Variants in DLC1 observed in about 807,000 individuals in gnomAD.
The protein encoded by DLC1 is DLC1 Rho GTPase activating protein.
DLC1 carries 54 observed loss-of-function variants against 140.3 expected under a neutral mutation model. That is an observed-to-expected ratio of 0.38 (90% CI 0.31 to 0.48). The LOEUF (loss-of-function observed/expected upper bound fraction) is 0.48. Ranked by LOEUF, DLC1 falls within the 20% of genes least tolerant of loss-of-function variation. The probability of loss-of-function intolerance (pLI) is 0.96; values close to 1 mark genes in which losing one functional copy is unlikely to be tolerated. For missense variants in DLC1, 2,536 were observed against 1,907.0 expected (o/e 1.33, Z -6.14); for synonymous variants, 986 against 728.1 (o/e 1.35, Z -5.70).
At chr8:13,340,844 A>G (rs575907034) in intron 4 of DLC1, 3 of 152,254 alleles carry the variant, frequency 2.0e-5, no homozygotes, top group Non-Finnish European at 4.4e-5. Flanking sequence ...AAGAACTTAA[A>G]AATCTAACAG....
intron 5 of DLC1, among the ~76,000 whole-genome samples, chr8:13,259,026 A>G (rs1830373130): frequency 6.6e-6 from 1 of 150,922 alleles, no homozygotes; most frequent in Non-Finnish European, 1.5e-5. Context: ...ACTCCCAGCT[A>G]CTCTGGAGGC....
intron 4 of DLC1, among the ~76,000 whole-genome samples, chr8:13,345,223 G>A (rs897301793): frequency 6.6e-6 from 1 of 152,052 alleles, no homozygotes; most frequent in African/African-American, 2.4e-5. Flanking sequence ...TTAGGGATGG[G>A]ACTTGTAAAA....
At chr8:13,296,720 T>C (rs936503163) in intron 5 of DLC1, among the ~76,000 whole-genome samples, 1 of 151,732 alleles carries the variant, frequency 6.6e-6, no homozygotes, top group Non-Finnish European at 1.5e-5. Context: ...GGTTTCTGCT[T>C]TCAAGGAGCT....
At chr8:13,541,066 A>G (rs1234257584) in intron 1 of DLC1, among the ~76,000 whole-genome samples, 1 of 152,238 alleles carries the variant, frequency 6.6e-6, no homozygotes, top group Admixed American at 6.5e-5. Flanking sequence ...TACATACAAG[A>G]AAATTAACCA....
In DLC1 at chr8:13,356,089, CAAAAAAA is replaced by C. The variant is rs372991073; in HGVS notation, c.1314+37457_1314+37463del. Reference sequence around the variant, plus strand: ...TGAGTGACAGAGCAAGACTCCATCTCAAAAAAAAAAAAAAAAAAAAAAAAATCTTATT... The same window carrying C: ...TGAGTGACAGAGCAAGACTCCATCTCAAAAAAAAAAAAAAAAAATCTTATT... On this transcript the variant is annotated intron_variant, in intron 4 of 17. Coordinates refer to ENST00000276297, the MANE Select transcript of DLC1 (RefSeq NM_182643.3). 5.6e-5 allele frequency among the ~76,000 whole-genome samples: 3 copies of C among 53,356 alleles called. 1 individual carries two copies. The highest frequency in any genetic ancestry group is 9.5e-5 in the Non-Finnish European group (3 of 31,732). 35.0% of individuals were successfully genotyped at this position (53,356 alleles called of 152,430 possible).
rs545641225 is a variant in DLC1, at chr8:13,295,154, T to G, written c.1348+10115A>C. ...AAGAGAAAGGGGGAATTTTAAAAAG[T>G]GATGAACTGTGCTGTTATTTTCCCC... is the stretch of plus-strand genomic sequence containing the variant. On this transcript the variant is annotated intron_variant, in intron 5 of 17. Transcript: ENST00000276297. 5.9e-5 allele frequency among the ~76,000 whole-genome samples: 9 copies of G among 152,280 alleles called. No individual in the cohort carries two copies. In the South Asian group the frequency reaches 1.7e-3, roughly 28 times the overall value.
chr8:13,358,788 T>C (rs1835067416), intron 4 of DLC1, among the ~76,000 whole-genome samples: 1 of 152,084 alleles, frequency 6.6e-6, no homozygotes, highest in South Asian at 2.1e-4. Flanking sequence ...AGATGGCCAT[T>C]TTCTTTACTT....
chr8:13,185,122 C>CTTTTTTTTTTTTTTTTTTTTTTTT (rs1193667992), intron 5 of DLC1, among the ~76,000 whole-genome samples: 1 of 84,568 alleles, frequency 1.2e-5, no homozygotes, highest in African/African-American at 5.2e-5. Flanking sequence ...GCAACCCCTG[C>CTTTTTTTTTTTTTTTTTTTTTTTT]TTTTTTTTTT....
chr8:13,101,405 A>C (rs1335293381), intron 8 of DLC1, among the ~76,000 whole-genome samples: 1 of 152,238 alleles, frequency 6.6e-6, no homozygotes, highest in African/African-American at 2.4e-5. Flanking sequence ...AACTGAAGTC[A>C]GCAATGAGCA....
chr8:13,341,280 G>C (rs571792889), intron 4 of DLC1: 3 of 152,306 alleles, frequency 2.0e-5, no homozygotes, highest in African/African-American at 7.2e-5. Flanking sequence ...ACTGGGAATT[G>C]TCTAGTCTAG....
At chr8:13,355,075 T>C (rs4831408) in intron 4 of DLC1, among the ~76,000 whole-genome samples, 14,157 of 151,922 alleles carry the variant, frequency 0.093, 1,346 homozygotes, top group East Asian at 0.47. Context: ...GCACTATCAA[T>C]TAAAAAATAC....
intron 5 of DLC1, among the ~76,000 whole-genome samples, chr8:13,174,662 T>G (rs1294018834): frequency 6.6e-6 from 1 of 152,200 alleles, no homozygotes; most frequent in East Asian, 1.9e-4. Context: ...TTGTATGTCT[T>G]CCTTTAAGAA....
chr8:13,456,231 T>G (rs1401433541), intron 2 of DLC1, among the ~76,000 whole-genome samples: 2 of 152,212 alleles, frequency 1.3e-5, no homozygotes, highest in Non-Finnish European at 2.9e-5. Flanking sequence ...GAATGTTGCA[T>G]TGCTGTATGA....
chr8:13,329,749 C>T (rs571125049), intron 4 of DLC1, among the ~76,000 whole-genome samples: 2 of 152,122 alleles, frequency 1.3e-5, no homozygotes, highest in Non-Finnish European at 2.9e-5. Flanking sequence ...CCCTGTTTCT[C>T]CAGCAAAACT....
chr8:13,494,495 G>A (rs1326831919), intron 2 of DLC1, among the ~76,000 whole-genome samples: 2 of 152,142 alleles, frequency 1.3e-5, no homozygotes, highest in Non-Finnish European at 2.9e-5. Context: ...AGGAGGACTC[G>A]AGAGCAGAGA....
At chr8:13,305,385 A>T in intron 4 of DLC1, 83 bp from the exon 5 acceptor site, 1 of 1,399,300 alleles carries the variant, frequency 7.1e-7, no homozygotes, top group South Asian at 1.5e-5. Context: ...AAGTGTAATT[A>T]ATGACGCAAA....
chr8:13,489,831 A>G (rs1585194825), intron 2 of DLC1, among the ~76,000 whole-genome samples: 1 of 152,228 alleles, frequency 6.6e-6, no homozygotes, highest in South Asian at 2.1e-4. Context: ...TTCTACTAGA[A>G]TTTGCATTAT....
At chr8:13,169,601 C>G (rs1389505482) in intron 5 of DLC1, among the ~76,000 whole-genome samples, 1 of 152,092 alleles carries the variant, frequency 6.6e-6, no homozygotes, top group East Asian at 1.9e-4. Context: ...TGGTTTTGGC[C>G]AAGTCTTAAT....
At chr8:13,176,577 TCAAA>T (rs1212209051) in intron 5 of DLC1, among the ~76,000 whole-genome samples, 3 of 152,134 alleles carry the variant, frequency 2.0e-5, no homozygotes, top group East Asian at 1.9e-4. Context: ...AGACTCCATC[TCAAA>T]CAAACAAACA....
Sources: allele counts gnomAD v4.1 joint callset (sites outside exome capture counted in the v4.1 genomes callset), GRCh38; gene constraint gnomAD v4.1.1; transcripts MANE v1.5; gene names NCBI Gene and HGNC (gene_info 2026-07-23, HGNC 2026-07-21).